The following RBFOX3 variants were observed in gnomAD, a reference collection of about 807,000 sequenced individuals.
The protein encoded by RBFOX3 is RNA binding fox-1 homolog 3, also known as RNA binding protein fox-1 homolog 3.
A neutral mutation model predicts 48.7 loss-of-function variants in RBFOX3; 17 were observed. The observed-to-expected ratio is 0.35, with a 90% CI of 0.24 to 0.52. The LOEUF is 0.52. Ranked by LOEUF, RBFOX3 falls within the 20% of genes least tolerant of loss-of-function variation. The pLI is 0.94. For synonymous variants in RBFOX3, 212 were observed against 209.5 expected, an observed-to-expected ratio of 1.01 and a Z score of -0.10; for missense variants, 382 against 497.5, an observed-to-expected ratio of 0.77 and a Z score of 2.21.
intron 3 of RBFOX3, among the ~76,000 whole-genome samples, chr17:79,297,412 A>G (rs143312868): frequency 3.1e-3 from 469 of 152,332 alleles, no homozygotes; most frequent in Non-Finnish European, 4.9e-3. Flanking sequence ...CCCCAAGGGT[A>G]ACTAGTAGAG....
intron 1 of RBFOX3, among the ~76,000 whole-genome samples, chr17:79,564,655 A>ACC (rs2092386947): frequency 1.3e-5 from 2 of 152,224 alleles, no homozygotes; most frequent in African/African-American, 4.8e-5. Flanking sequence ...AAAAAACTGG[A>ACC]AACAACCCAA....
intron 3 of RBFOX3, among the ~76,000 whole-genome samples, chr17:79,238,666 G>A (rs907744816): frequency 9.9e-5 from 15 of 152,206 alleles, no homozygotes; most frequent in African/African-American, 3.6e-4. Context: ...CTCTGCCTCT[G>A]CCAACCCTTC....
At chr17:79,618,529 A>G in the RBFOX3 span, among the ~76,000 whole-genome samples, 1 of 152,180 alleles carries the variant, frequency 6.6e-6, no homozygotes, top group African/African-American at 2.4e-5. Flanking sequence ...TGTTCTGCAG[A>G]AGTAGAGTCC....
In RBFOX3 at chr17:79,374,406, T is replaced by C. The variant is rs566084050; in HGVS notation, c.-174-66582A>G. ...AGAACAAGGCTGAGCCTTTCTTCTT[T>C]GGAAAGGACCGGCTTTCCATGCAGA... On this transcript the variant is annotated intron_variant, in intron 2 of 14. Transcript: ENST00000693108. Among the ~76,000 whole-genome samples, 170 of 152,326 alleles carry C rather than the reference T, an allele frequency of 1.1e-3. 2 individuals carry two copies. In the Middle Eastern group the frequency reaches 0.041, roughly 37 times the overall value.
chr17:79,653,230 A>G, the RBFOX3 span, among the ~76,000 whole-genome samples: 1 of 152,200 alleles, frequency 6.6e-6, no homozygotes, highest in Non-Finnish European at 1.5e-5. Flanking sequence ...AGGGTTGAGC[A>G]AAGAAAAGTC....
intron 3 of RBFOX3, among the ~76,000 whole-genome samples, chr17:79,283,361 T>G (rs2071073975): frequency 6.6e-6 from 1 of 150,644 alleles, no homozygotes; most frequent in African/African-American, 2.4e-5. Flanking sequence ...CTCTGCCTCC[T>G]GGGTTCAAGC....
chr17:79,462,700 T>C (rs9904769), intron 2 of RBFOX3, among the ~76,000 whole-genome samples: 85,595 of 151,936 alleles, frequency 0.56, 24,280 homozygotes, highest in Middle Eastern at 0.61. Flanking sequence ...GTAAAATTGG[T>C]TTCTGGAGAG....
chr17:79,351,596 G>A (rs977381945), intron 2 of RBFOX3, among the ~76,000 whole-genome samples: 4 of 152,194 alleles, frequency 2.6e-5, no homozygotes, highest in Admixed American at 2.6e-4. Flanking sequence ...ATGATGTGGA[G>A]CATCTTCTCA....
intron 1 of RBFOX3, among the ~76,000 whole-genome samples, chr17:79,606,501 G>A (rs1175941911): frequency 2.0e-5 from 3 of 152,048 alleles, no homozygotes; most frequent in Admixed American, 1.3e-4. Context: ...GACTGAGCTC[G>A]CCCCGAGCTA....
At chr17:79,517,892 C>A (rs2149951880) in intron 1 of RBFOX3, among the ~76,000 whole-genome samples, 1 of 152,292 alleles carries the variant, frequency 6.6e-6, no homozygotes, top group Non-Finnish European at 1.5e-5. Context: ...CGGCAGATCC[C>A]TCACCTTCTT....
intron 1 of RBFOX3, among the ~76,000 whole-genome samples, chr17:79,490,748 A>G (rs2080368058): frequency 6.8e-6 from 1 of 146,934 alleles, no homozygotes; most frequent in Admixed American, 6.8e-5. Flanking sequence ...GAGAGAGAAC[A>G]GGTAAACCAC....
intron 4 of RBFOX3, among the ~76,000 whole-genome samples, chr17:79,231,928 G>A (rs1031419843): frequency 6.6e-6 from 1 of 152,194 alleles, no homozygotes; most frequent in Non-Finnish European, 1.5e-5. Flanking sequence ...AAAGGAAAGA[G>A]GTTTAGTTGA....
chr17:79,400,697 G>A (rs186505080), intron 2 of RBFOX3, among the ~76,000 whole-genome samples: 111 of 152,350 alleles, frequency 7.3e-4, no homozygotes, highest in African/African-American at 2.6e-3. Flanking sequence ...TAAGCGGGGT[G>A]TCCCAAATGC....
Position 79,313,336 on chromosome 17 carries a change from C to T in RBFOX3, c.-174-5512G>A, listed in dbSNP as rs543666669. ...TGGATGTCCTCACAAACGTCCAGAGCACGGACCTCCCAGTGAAGCACAGTG... is the reference window on the plus strand; with the variant it reads ...TGGATGTCCTCACAAACGTCCAGAGTACGGACCTCCCAGTGAAGCACAGTG... On this transcript the variant is annotated intron_variant, in intron 2 of 14. Transcript: ENST00000693108. 3.2e-4 allele frequency among the ~76,000 whole-genome samples: 48 copies of T among 152,312 alleles called. 1 individual carries two copies. In the South Asian group the frequency reaches 9.3e-3, roughly 30 times the overall value.
At chr17:79,151,035 C>T (rs2044301354) in intron 4 of RBFOX3, among the ~76,000 whole-genome samples, 1 of 152,234 alleles carries the variant, frequency 6.6e-6, no homozygotes, top group Non-Finnish European at 1.5e-5. Context: ...CCAGTCCACG[C>T]TCCGCAAGTG....
intron 2 of RBFOX3, among the ~76,000 whole-genome samples, chr17:79,382,477 G>A (rs79588243): frequency 6.6e-6 from 1 of 152,204 alleles, no homozygotes; most frequent in Admixed American, 6.5e-5. Flanking sequence ...CTCCTCAGGG[G>A]GTTCTTGGGC....
intron 12 of RBFOX3, 29 bp downstream of exon 12, chr17:79,096,624 A>ACCCT: frequency 1.1e-6 from 1 of 916,594 alleles, no homozygotes; most frequent in Non-Finnish European, 1.7e-6. Flanking sequence ...GCCTGATCCC[A>ACCCT]CCCTCCCTCC....
At chr17:79,219,976 AG>A (rs1344224777) in intron 4 of RBFOX3, among the ~76,000 whole-genome samples, 2 of 151,088 alleles carry the variant, frequency 1.3e-5, no homozygotes, top group East Asian at 3.9e-4. Flanking sequence ...AGGCCCACCT[AG>A]AACAGTCTGG....
intron 2 of RBFOX3, among the ~76,000 whole-genome samples, chr17:79,440,271 C>T (rs537242343): frequency 1.1e-3 from 160 of 152,228 alleles, no homozygotes; most frequent in Non-Finnish European, 2.0e-3. Context: ...GCGGACGGGC[C>T]GTGCTTTTCC....
Sources: allele counts gnomAD v4.1 joint callset (sites outside exome capture counted in the v4.1 genomes callset), GRCh38; gene constraint gnomAD v4.1.1; transcripts MANE v1.5; gene names NCBI Gene and HGNC (gene_info 2026-07-23, HGNC 2026-07-21).